STK3: variants seen among roughly 807,000 people sequenced by gnomAD.
The protein encoded by STK3 is serine/threonine kinase 3.
Under a neutral mutation model 58.0 loss-of-function variants are expected in STK3, and 41 were observed. The observed-to-expected ratio is 0.71, with a 90% confidence interval of 0.55 to 0.92. The LOEUF is 0.92. Among genes scored for constraint, STK3 ranks in the 40% least tolerant of loss-of-function variants. STK3 has a pLI of 0.00. For synonymous variants in STK3, 170 were observed against 191.0 expected (o/e 0.89, Z 0.91); for missense variants, 479 against 602.7 (o/e 0.79, Z 2.15).
At chr8:98,584,613 C>T (rs1357712491) in intron 7 of STK3, among the ~76,000 whole-genome samples, 1 of 149,004 alleles carries the variant, frequency 6.7e-6, no homozygotes, top group Non-Finnish European at 1.5e-5. Flanking sequence ...GGTATATACC[C>T]AGTAATGGGA....
rs751699424 is a variant in STK3, at chr8:98,707,113, C to T, written c.516+34G>A. 2.5e-6 allele frequency: 4 copies of T among 1,570,990 alleles called. No individual in the cohort carries two copies. In the South Asian group the frequency reaches 5.0e-5, roughly 20 times the overall value. On this transcript the variant is annotated intron_variant, in intron 5 of 10. Transcript: ENST00000419617. ...TTATAATCAAATCTGAACAAATTAG[C>T]CAAGTGTTTAGAAAACCATTAAAGT...
At chr8:98,732,750 A>AG (rs1170676883) in intron 4 of STK3, among the ~76,000 whole-genome samples, 1 of 152,216 alleles carries the variant, frequency 6.6e-6, no homozygotes, top group Non-Finnish European at 1.5e-5. Flanking sequence ...CATTAGAACA[A>AG]GAAATCAGGA....
At chr8:98,882,718 C>T (rs1837843894), downstream of STK3, 1 of 152,240 alleles carries the variant, frequency 6.6e-6, no homozygotes, top group Admixed American at 6.5e-5. Flanking sequence ...GCCCAATATC[C>T]TCTTTTTTTA....
At chr8:98,548,628 T>G (rs1810912917) in intron 8 of STK3, among the ~76,000 whole-genome samples, 1 of 152,112 alleles carries the variant, frequency 6.6e-6, no homozygotes, top group South Asian at 2.1e-4. Context: ...AATTCACCAT[T>G]TTAGCAATTT....
At chr8:98,869,635 G>C (rs996828076) in intron 3 of STK3, among the ~76,000 whole-genome samples, 1 of 152,072 alleles carries the variant, frequency 6.6e-6, no homozygotes. Flanking sequence ...CGAAAGCTGG[G>C]AGAGGCAAGG....
chr8:98,893,401 AGAAAGAAG>A (rs1258096931), intron 1 of STK3, among the ~76,000 whole-genome samples: 9 of 111,954 alleles, frequency 8.0e-5, no homozygotes, highest in Admixed American at 1.1e-4. Context: ...AGAGAAAGAA[AGAAAGAAG>A]GAAGGAAGGA....
In STK3 at chr8:98,611,306, A is replaced by G. The variant is rs543296861; in HGVS notation, c.685-15137T>C. On this transcript the variant is annotated intron_variant, in intron 6 of 10. Coordinates refer to ENST00000419617, the MANE Select transcript of STK3 (RefSeq NM_006281.4). The stretch of plus-strand genomic sequence containing the variant: ...AACAACAAAAAATATATGAAGAACA[A>G]AAAAGAAACAACTGAAAATATGAAA... Among the ~76,000 whole-genome samples, 156 of 152,294 alleles carry G rather than the reference A, an allele frequency of 1.0e-3. 1 individual carries two copies. The highest frequency in any genetic ancestry group is 1.9e-3 in the Non-Finnish European group (127 of 68,016).
chr8:98,447,567 C>T (rs1047568502), intron 1 of STK3, among the ~76,000 whole-genome samples: 56 of 146,252 alleles, frequency 3.8e-4, no homozygotes, highest in Non-Finnish European at 6.6e-4. Context: ...TATATAGTAT[C>T]TATATATTGC....
intron 8 of STK3, among the ~76,000 whole-genome samples, chr8:98,554,405 C>T (rs575670001): frequency 1.3e-5 from 2 of 152,182 alleles, no homozygotes; most frequent in African/African-American, 4.8e-5. Flanking sequence ...AGAAACATAA[C>T]ATCTGATTGG....
At chr8:98,530,917 T>C (rs2131506160) in intron 9 of STK3, among the ~76,000 whole-genome samples, 1 of 152,338 alleles carries the variant, frequency 6.6e-6, no homozygotes, top group Middle Eastern at 3.4e-3. Flanking sequence ...CTTCATCTGT[T>C]CAAGTTTAAT....
At chr8:98,489,914 A>G (rs533883706) in intron 10 of STK3, among the ~76,000 whole-genome samples, 17 of 152,288 alleles carry the variant, frequency 1.1e-4, no homozygotes, top group African/African-American at 4.1e-4. Context: ...AAAGAAAAAA[A>G]CACCTGAAAT....
intron 6 of STK3, among the ~76,000 whole-genome samples, chr8:98,626,540 C>T: frequency 6.6e-6 from 1 of 151,996 alleles, no homozygotes; most frequent in Middle Eastern, 3.2e-3. Context: ...ACTATCTGGC[C>T]CTTTACAGAA....
intron 6 of STK3, among the ~76,000 whole-genome samples, chr8:98,649,344 AT>A (rs1258408212): frequency 2.0e-5 from 3 of 152,190 alleles, no homozygotes; most frequent in South Asian, 2.1e-4. Context: ...TACAAAAAAA[AT>A]CATTATATGA....
chr8:98,692,894 A>G (rs1220346350), intron 6 of STK3, among the ~76,000 whole-genome samples: 1 of 152,098 alleles, frequency 6.6e-6, no homozygotes, highest in Admixed American at 6.6e-5. Flanking sequence ...AAAAATGGCC[A>G]TCCTCAGAAG....
chr8:98,404,611 C>T (rs1404983158), intron 3 of STK3, among the ~76,000 whole-genome samples: 4 of 142,094 alleles, frequency 2.8e-5, no homozygotes, highest in Non-Finnish European at 6.0e-5. Flanking sequence ...ACCCGGGAGG[C>T]GGAGCTTGCA....
chr8:98,864,860 G>A (rs1396752808), intron 3 of STK3, among the ~76,000 whole-genome samples: 1 of 152,082 alleles, frequency 6.6e-6, no homozygotes, highest in Admixed American at 6.5e-5. Flanking sequence ...GCTTTTTGTG[G>A]TCCATATTGG....
chr8:98,717,345 T>C (rs1442181640), intron 4 of STK3, among the ~76,000 whole-genome samples: 1 of 151,896 alleles, frequency 6.6e-6, no homozygotes, highest in Non-Finnish European at 1.5e-5. Flanking sequence ...AAAAATCAAA[T>C]TCAAAAATGG....
intron 1 of STK3, among the ~76,000 whole-genome samples, chr8:98,893,421 GGAAAGAAAGAAAGAAAGAAAGAAA>G (rs1230218579): frequency 8.6e-4 from 52 of 60,516 alleles, no homozygotes; most frequent in African/African-American, 2.6e-3. Context: ...AAGGAAGGAA[GGAAAGAAAGAAAGAAAGAAAGAAA>G]GAAAGAAAGA....
At chr8:98,408,190 G>C (rs1011155856) in intron 3 of STK3, among the ~76,000 whole-genome samples, 3 of 152,176 alleles carry the variant, frequency 2.0e-5, no homozygotes, top group African/African-American at 7.2e-5. Flanking sequence ...GGGTAGTTTG[G>C]AGTTGCAGGC....
Sources: gnomAD v4.1 joint callset for allele counts (sites outside exome capture counted in the v4.1 genomes callset) on GRCh38, gnomAD v4.1.1 for gene constraint, MANE v1.5 for transcripts, NCBI Gene and HGNC (gene_info 2026-07-23, HGNC 2026-07-21) for gene names.